OR8H2: variants seen among roughly 807,000 people sequenced by gnomAD.
The protein encoded by OR8H2 is olfactory receptor 8H2.
For synonymous variants in OR8H2, 157 were observed against 139.2 expected (o/e 1.13, Z -0.90); for missense variants, 374 against 371.1 (o/e 1.01, Z -0.06).
In OR8H2 at chr11:56,104,940, G is replaced by A. The variant is rs145103150; in HGVS notation, c.-103G>A. 1,584 of 1,016,882 alleles carry A rather than the reference G, an allele frequency of 1.6e-3. 3 individuals carry two copies. Among genetic ancestry groups the A allele is most frequent in the Admixed American group, 2.4e-3 (105 of 44,350 alleles). 63.0% of individuals were successfully genotyped at this position (1,016,882 alleles called of 1,614,324 possible). On this transcript the variant is annotated 5_prime_UTR_variant, in exon 2 of 2. Transcript: ENST00000313503. ...CGGCTCACTGCAACCTCCGCCTCCC[G>A]CGTTCAAGCAATTCTCCTGCCTCAG...
At position 56,106,210 on chromosome 11, in the gene OR8H2, T is replaced by C; in HGVS notation, c.*229T>C. 1 of 331,010 alleles carries C rather than the reference T, an allele frequency of 3.0e-6. No individual in the cohort carries two copies. The highest frequency in any genetic ancestry group is 8.4e-5 in the South Asian group (1 of 11,928). 20.5% of individuals were successfully genotyped at this position (331,010 alleles called of 1,614,324 possible). Reference sequence around the variant, plus strand: ...ATGTGTGTCATGTTTTCAGTCTACATATATGTGTTTGAAGCAACTGATGTG... The same window carrying C: ...ATGTGTGTCATGTTTTCAGTCTACACATATGTGTTTGAAGCAACTGATGTG... On this transcript the variant is annotated 3_prime_UTR_variant, in exon 2 of 2. Transcript: ENST00000313503.
At position 56,105,768 on chromosome 11, in the gene OR8H2, C is replaced by G. The variant is rs751430518; in HGVS notation, c.726C>G (p.Val242=). 1 of 1,613,860 alleles carries G rather than the reference C, an allele frequency of 6.2e-7. No homozygotes were observed. Residue 242 remains valine, a synonymous_variant, in exon 2 of 2, where the codon GTC becomes GTG. Transcript: ENST00000313503. ...AGCAGAAAGCTTTCTCTACTTGCGT[C>G]TCTCATCTCTTGGGAGTCACCATCT... is the stretch of plus-strand genomic sequence containing the variant. ...SGKQKAFSTC[V]SHLLGVTIFY... is the part of the protein sequence containing the mutation.
At position 56,107,243 on chromosome 11, in the gene OR8H2, A is replaced by C. The variant is rs1230631005; in HGVS notation, c.*1262A>C. The C allele has an allele frequency of 6.6e-6, 1 of 151,970 alleles. No homozygotes were observed. The highest frequency in any genetic ancestry group is 2.4e-5 in the African/African-American group (1 of 41,436). 9.4% of individuals were successfully genotyped at this position (151,970 alleles called of 1,614,324 possible). ...AAAACTGGATTTCTGTAATGTGTCA[A>C]ATGTGTCAAATTGCTTCTTTGTTAA... is the stretch of plus-strand genomic sequence containing the variant. On this transcript the variant is annotated 3_prime_UTR_variant, in exon 2 of 2. Transcript: ENST00000313503.
chr11:56,106,153 T>C lies in OR8H2; in HGVS notation c.*172T>C. 1 of 499,378 alleles carries C rather than the reference T, an allele frequency of 2.0e-6. No individual in the cohort carries two copies. The highest frequency in any genetic ancestry group is 3.2e-5 in the East Asian group (1 of 31,114). 30.9% of individuals were successfully genotyped at this position (499,378 alleles called of 1,614,324 possible). On this transcript the variant is annotated 3_prime_UTR_variant, in exon 2 of 2. Transcript: ENST00000313503. ...TTAAACATTTCAAGGCATATGTTTT[T>C]AGAAATCCAAATGGTAATTAGAAAT...
At chr11:56,104,475 T>C (rs1359608349) in intron 1 of OR8H2, among the ~76,000 whole-genome samples, 1 of 152,216 alleles carries the variant, frequency 6.6e-6, no homozygotes, top group Non-Finnish European at 1.5e-5. Context: ...CTGAAGTTAA[T>C]ATATCTTGGT....
rs1159642573 is a variant in OR8H2, at chr11:56,106,772, T to G, written c.*791T>G. On this transcript the variant is annotated 3_prime_UTR_variant, in exon 2 of 2. Transcript: ENST00000313503. ...TCAGTAGAATTAAGTTATAGAAAAA[T>G]AGCCTATATTAAGATAATGTTGGAG... 6.6e-6 allele frequency: 1 copy of G among 151,978 alleles called. No homozygotes were observed. Among genetic ancestry groups the G allele is most frequent in the Non-Finnish European group, 1.5e-5 (1 of 67,872 alleles). The allele number at this position is 151,978 out of a possible 1,614,324, so 9.4% of individuals were successfully genotyped here.
At position 56,105,790 on chromosome 11, in the gene OR8H2, A is replaced by G; in HGVS notation, c.748A>G (p.Ile250Val). The G allele has an allele frequency of 6.2e-7, 1 of 1,613,906 alleles. No homozygotes were observed. Among genetic ancestry groups the G allele is most frequent in the African/African-American group, 1.3e-5 (1 of 75,026 alleles). The change falls in exon 2 of 2, where the codon ATC becomes GTC. Residue 250 changes from isoleucine (I) to valine (V), a missense_variant. Transcript: ENST00000313503. ...TCVSHLLGVT[I>V]FYSTLIFTYL... The stretch of plus-strand genomic sequence containing the variant: ...CGTCTCTCATCTCTTGGGAGTCACC[A>G]TCTTTTATAGCACTCTGATTTTTAC...
At chr11:56,104,245 T>C (rs184773091) in intron 1 of OR8H2, among the ~76,000 whole-genome samples, 89 of 152,210 alleles carry the variant, frequency 5.8e-4, no homozygotes, top group Middle Eastern at 3.5e-3. Context: ...ACGTATTTTA[T>C]AAATTAATGC....
Position 56,106,892 on chromosome 11 carries a change from C to T in OR8H2, c.*911C>T, listed in dbSNP as rs551731274. The T allele has an allele frequency of 4.6e-5, 7 of 151,950 alleles. No homozygotes were observed. Among genetic ancestry groups the T allele is most frequent in the Admixed American group, 4.6e-4 (7 of 15,274 alleles). 9.4% of individuals were successfully genotyped at this position (151,950 alleles called of 1,614,324 possible). On this transcript the variant is annotated 3_prime_UTR_variant, in exon 2 of 2. Coordinates refer to ENST00000313503, the MANE Select transcript of OR8H2 (RefSeq NM_001386064.1). ...TCTTGATGTGGGGGTAGCCATTATT[C>T]TTTTCTTTACTTCTCTAATAAACCC...
At position 56,106,104 on chromosome 11, in the gene OR8H2, C is replaced by G. The variant is rs1854052620; in HGVS notation, c.*123C>G. Reference sequence around the variant, plus strand: ...ATTTGTTTGCATTTCTGTTGTGCTACCCTTTGCTTCACTAAACATGATTTT... The same window carrying G: ...ATTTGTTTGCATTTCTGTTGTGCTAGCCTTTGCTTCACTAAACATGATTTT... On this transcript the variant is annotated 3_prime_UTR_variant, in exon 2 of 2. Transcript: ENST00000313503. The G allele has an allele frequency of 7.3e-6, 5 of 680,968 alleles. No individual in the cohort carries two copies. In the East Asian group the frequency reaches 1.1e-4, roughly 14 times the overall value. 42.2% of individuals were successfully genotyped at this position (680,968 alleles called of 1,614,324 possible). A position where few individuals can be genotyped will look rare whatever the true frequency, so the allele number is the denominator to read the frequency against.
chr11:56,105,136 T>C lies in OR8H2; in HGVS notation c.94T>C (p.Phe32Leu). The C allele has an allele frequency of 6.2e-7, 1 of 1,614,224 alleles. No homozygotes were observed. The highest frequency in any genetic ancestry group is 8.5e-7 in the Non-Finnish European group (1 of 1,180,042). Residue 32 changes from phenylalanine (F) to leucine (L), a missense_variant, in exon 2 of 2, where the codon TTT becomes CTT. Transcript: ENST00000313503. ...GATCCAGATGGCTCTGTTTATGCTA[T>C]TTCTCCTGATATACCTAATTACTAT... Reference protein sequence around the residue: ...EEIQMALFMLFLLIYLITMLG... With the variant: ...EEIQMALFMLLLLIYLITMLG...
chr11:56,105,202 C>G lies in OR8H2; in HGVS notation c.160C>G (p.Leu54Val), dbSNP rs759692890. 1 of 1,614,170 alleles carries G rather than the reference C, an allele frequency of 6.2e-7. No homozygotes were observed. The change falls in exon 2 of 2, where the codon CTC becomes GTC. Residue 54 changes from leucine to valine, a missense_variant. Physicochemically the swap from Leu to Val is conservative, Grantham distance 32. Coordinates refer to ENST00000313503, the MANE Select transcript of OR8H2 (RefSeq NM_001386064.1). The part of the protein sequence containing the change: ...VGMILIIRLD[L>V]QLHTPMYFFL... ...GATGATATTGATAATCCGCCTGGAC[C>G]TCCAGCTTCACACTCCCATGTATTT...
rs766583435 is a variant in OR8H2 at position 56,105,646 on chromosome 11, A to G, written c.604A>G (p.Ile202Val). Reference sequence around the variant, plus strand: ...CAACACCGAAATCCTGATATTCATTATTGTTGGTTCCACCCTGATGGTGTC... The same window carrying G: ...CAACACCGAAATCCTGATATTCATTGTTGTTGGTTCCACCCTGATGGTGTC... ...TYNTEILIFI[I>V]VGSTLMVSLF... The change falls in exon 2 of 2, where the codon ATT becomes GTT. Residue 202 changes from isoleucine (I) to valine (V), a missense_variant. Coordinates refer to ENST00000313503, the MANE Select transcript of OR8H2 (RefSeq NM_001386064.1). 6.2e-7 allele frequency: 1 copy of G among 1,614,048 alleles called. No homozygotes were observed. The highest frequency in any genetic ancestry group is 1.1e-5 in the South Asian group (1 of 91,084).
At position 56,105,145 on chromosome 11, in the gene OR8H2, A is replaced by T. The variant is rs1464888201; in HGVS notation, c.103A>T (p.Ile35Leu). ...QMALFMLFLL[I>L]YLITMLGNVG... ...GGCTCTGTTTATGCTATTTCTCCTG[A>T]TATACCTAATTACTATGCTGGGGAA... Residue 35 changes from isoleucine (I) to leucine (L), a missense_variant, in exon 2 of 2, where the codon ATA becomes TTA. Ile to Leu is a conservative substitution (Grantham distance 5). Coordinates refer to ENST00000313503, the MANE Select transcript of OR8H2 (RefSeq NM_001386064.1). 1 of 1,614,158 alleles carries T rather than the reference A, an allele frequency of 6.2e-7. No homozygotes were observed. Among genetic ancestry groups the T allele is most frequent in the East Asian group, 2.2e-5 (1 of 44,882 alleles).
Position 56,105,277 on chromosome 11 carries a change from A to T in OR8H2, c.235A>T (p.Thr79Ser), listed in dbSNP as rs1854035580. ...TGACCTCAGTTACTCAACTGTCGTC[A>T]CACCTAAAACCTTAGCGAACTTACT... ...FIDLSYSTVV[T>S]PKTLANLLTS... The change falls in exon 2 of 2, where the codon ACA (threonine) becomes TCA (serine). Residue 79 changes from threonine to serine, a missense_variant. Thr to Ser is a moderately conservative substitution (Grantham distance 58). Coordinates refer to ENST00000313503, the MANE Select transcript of OR8H2 (RefSeq NM_001386064.1). 1 of 1,614,074 alleles carries T rather than the reference A, an allele frequency of 6.2e-7. No individual in the cohort carries two copies. Among genetic ancestry groups the T allele is most frequent in the Admixed American group, 1.7e-5 (1 of 60,002 alleles).
chr11:56,105,316 A>G lies in OR8H2; in HGVS notation c.274A>G (p.Ile92Val). ...AGCGAACTTACTGACTTCCAACTAT[A>G]TTTCCTTTACGGGCTGCTTTGCCCA... ...TLANLLTSNY[I>V]SFTGCFAQMF... The change falls in exon 2 of 2, where the codon ATT (isoleucine) becomes GTT (valine). Residue 92 changes from isoleucine (I) to valine (V), a missense_variant. By Grantham distance (29) the Ile-to-Val change is conservative. Coordinates refer to ENST00000313503, the MANE Select transcript of OR8H2 (RefSeq NM_001386064.1). The G allele has an allele frequency of 1.2e-6, 2 of 1,613,942 alleles. No homozygotes were observed. The highest frequency in any genetic ancestry group is 1.7e-6 in the Non-Finnish European group (2 of 1,179,986).
At chr11:56,104,446 A>C (rs1854019478) in intron 1 of OR8H2, among the ~76,000 whole-genome samples, 1 of 152,148 alleles carries the variant, frequency 6.6e-6, no homozygotes, top group South Asian at 2.1e-4. Flanking sequence ...ACAAGAGTAT[A>C]GTATTATAAG....
rs1854032547 is a variant in OR8H2 at position 56,105,107 on chromosome 11, A to T, written c.65A>T (p.Glu22Val). The change falls in exon 2 of 2, where the codon GAA becomes GTA. Residue 22 changes from glutamate to valine, a missense_variant. Glu to Val is a moderately radical substitution (Grantham distance 121, BLOSUM62 -2). Coordinates refer to ENST00000313503, the MANE Select transcript of OR8H2 (RefSeq NM_001386064.1). ...ATCCTTATGGGACTGACACTTTCTGAAGAGATCCAGATGGCTCTGTTTATG... is the reference window on the plus strand; with the variant it reads ...ATCCTTATGGGACTGACACTTTCTGTAGAGATCCAGATGGCTCTGTTTATG... Reference protein sequence around the residue: ...DFILMGLTLSEEIQMALFMLF... With the variant: ...DFILMGLTLSVEIQMALFMLF... The T allele has an allele frequency of 1.2e-6, 2 of 1,614,186 alleles. No homozygotes were observed.
chr11:56,105,617 C>G lies in OR8H2; in HGVS notation c.575C>G (p.Thr192Arg), dbSNP rs1854043612. The G allele has an allele frequency of 6.2e-7, 1 of 1,614,124 alleles. No homozygotes were observed. Among genetic ancestry groups the G allele is most frequent in the Non-Finnish European group, 8.5e-7 (1 of 1,179,948 alleles). The change falls in exon 2 of 2, where the codon ACA becomes AGA. Residue 192 changes from threonine to arginine, a missense_variant. Physicochemically the swap from Thr to Arg is moderately conservative, Grantham distance 71 (BLOSUM62 -1). Transcript: ENST00000313503. ...ATTTTAGCTCTGTCCTGCACTGATACATACAACACCGAAATCCTGATATTC... is the reference window on the plus strand; with the variant it reads ...ATTTTAGCTCTGTCCTGCACTGATAGATACAACACCGAAATCCTGATATTC... ...SPILALSCTD[T>R]YNTEILIFII...
Sources: gnomAD v4.1 joint callset for allele counts (sites outside exome capture counted in the v4.1 genomes callset) on GRCh38, gnomAD v4.1.1 for gene constraint, MANE v1.5 for transcripts, NCBI Gene and HGNC (gene_info 2026-07-23, HGNC 2026-07-21) for gene names.